PTPA: variants seen among roughly 807,000 people sequenced by gnomAD.
PTPA encodes serine/threonine-protein phosphatase 2A activator.
A neutral mutation model predicts 43.6 loss-of-function variants in PTPA; 13 were observed. The ratio of observed to expected loss-of-function variants is 0.30; its 90% CI spans 0.19 to 0.47. The LOEUF (loss-of-function observed/expected upper bound fraction) is 0.47. Among genes scored for constraint, PTPA ranks in the 20% least tolerant of loss-of-function variants. The pLI is 0.99. For synonymous variants in PTPA, 172 were observed against 158.2 expected, an observed-to-expected ratio of 1.09 and a Z score of -0.66; for missense variants, 329 against 411.9, an observed-to-expected ratio of 0.80 and a Z score of 1.74.
At chr9:129,115,890 G>A (rs1848829499) in intron 1 of PTPA, among the ~76,000 whole-genome samples, 1 of 151,848 alleles carries the variant, frequency 6.6e-6, no homozygotes, top group Non-Finnish European at 1.5e-5. Context: ...TGATCCACCA[G>A]CCTCCGTCTC....
intron 5 of PTPA, among the ~76,000 whole-genome samples, chr9:129,133,175 C>T (rs1397478336): frequency 6.6e-6 from 1 of 152,234 alleles, no homozygotes; most frequent in Non-Finnish European, 1.5e-5. Flanking sequence ...GAGGGCCCGC[C>T]TTCCTTCCCT....
intron 8 of PTPA, chr9:129,140,078 C>T (rs891556208): frequency 6.6e-6 from 1 of 152,556 alleles, no homozygotes; most frequent in Non-Finnish European, 1.5e-5. Context: ...CGCCCATCCC[C>T]CCAGTTACTG....
intron 9 of PTPA, among the ~76,000 whole-genome samples, chr9:129,144,081 C>T (rs536644231): frequency 2.0e-4 from 30 of 151,860 alleles, no homozygotes; most frequent in African/African-American, 5.8e-4. Context: ...AAACTTCTCT[C>T]GACTCAGGCT....
At chr9:129,145,483 C>T (rs920012552) in intron 9 of PTPA, among the ~76,000 whole-genome samples, 2 of 152,196 alleles carry the variant, frequency 1.3e-5, no homozygotes, top group South Asian at 2.1e-4. Flanking sequence ...TTTTCTCAGG[C>T]CAGTTCTTAG....
At position 129,136,504 on chromosome 9, in the gene PTPA, A is replaced by G. The variant is rs779894271; in HGVS notation, c.594A>G (p.Thr198=). 1 of 1,613,882 alleles carries G rather than the reference A, an allele frequency of 6.2e-7. No homozygotes were observed. Among genetic ancestry groups the G allele is most frequent in the Non-Finnish European group, 8.5e-7 (1 of 1,179,842 alleles). ...AGGTTATGCGGAAACTCCAGAAAACATACAGGATGGAGCCAGCCGGCAGCC... is the reference window on the plus strand; with the variant it reads ...AGGTTATGCGGAAACTCCAGAAAACGTACAGGATGGAGCCAGCCGGCAGCC... ...YLEVMRKLQK[T]YRMEPAGSQG... Residue 198 remains threonine, a synonymous_variant, in exon 7 of 10, where the codon ACA becomes ACG. Coordinates refer to ENST00000393370, the MANE Select transcript of PTPA (RefSeq NM_178000.3).
rs565566953 is a variant in PTPA at position 129,123,202 on chromosome 9, G to A, written c.216+64G>A. On this transcript the variant is annotated intron_variant, in intron 3 of 9. Transcript: ENST00000393370. ...AAATAGCTCCAGAGTCACTGGGTGC[G>A]GTGGCTCACCTCTGTAATCTCAGCA... 1.6e-4 allele frequency: 217 copies of A among 1,396,544 alleles called. No homozygotes were observed. The South Asian group carries it at 1.8e-3, about 12-fold the overall frequency. 86.5% of individuals were successfully genotyped at this position (1,396,544 alleles called of 1,614,324 possible). A position where few individuals can be genotyped will look rare whatever the true frequency, so the allele number is the denominator to read the frequency against.
chr9:129,129,263 A>C (rs1158974135), intron 4 of PTPA, among the ~76,000 whole-genome samples, 153 bp downstream of exon 4: 1 of 152,154 alleles, frequency 6.6e-6, no homozygotes, highest in Non-Finnish European at 1.5e-5. Flanking sequence ...ATTACAAATG[A>C]GTTTATACTC....
intron 2 of PTPA, among the ~76,000 whole-genome samples, chr9:129,122,146 A>G (rs1275103163): frequency 6.6e-6 from 1 of 151,780 alleles, no homozygotes; most frequent in Non-Finnish European, 1.5e-5. Flanking sequence ...CCTGGCCCCC[A>G]GGCTGGAGTT....
At chr9:129,136,371 C>T in intron 6 of PTPA, 100 bp from the exon 7 acceptor site, 1 of 1,307,350 alleles carries the variant, frequency 7.6e-7, no homozygotes, top group East Asian at 2.5e-5. Flanking sequence ...TAACACTCTT[C>T]AGTGGTTATT....
At chr9:129,143,499 G>C in intron 9 of PTPA, 1 of 698,916 alleles carries the variant, frequency 1.4e-6, no homozygotes, top group Non-Finnish European at 2.6e-6. Flanking sequence ...AGAGCTTCCT[G>C]GATCCCATCA....
intron 1 of PTPA, among the ~76,000 whole-genome samples, chr9:129,116,904 C>T (rs1323236635): frequency 7.0e-6 from 1 of 143,418 alleles, no homozygotes; most frequent in East Asian, 2.1e-4. Flanking sequence ...TGGGCTCAAG[C>T]GATCCTGCCG....
chr9:129,112,251 C>T (rs1165705725), intron 1 of PTPA, among the ~76,000 whole-genome samples: 2 of 152,190 alleles, frequency 1.3e-5, no homozygotes, highest in African/African-American at 2.4e-5. Flanking sequence ...CTCTTATTTA[C>T]CTTGTAGCCT....
intron 1 of PTPA, chr9:129,118,938 T>G (rs1369767268): frequency 3.3e-5 from 5 of 153,362 alleles, no homozygotes; most frequent in Non-Finnish European, 7.3e-5. Flanking sequence ...CAAAAGATTG[T>G]CCCCTTAGGA....
chr9:129,143,536 G>A (rs556047892), intron 9 of PTPA: 9 of 678,436 alleles, frequency 1.3e-5, no homozygotes, highest in African/African-American at 8.9e-5. Flanking sequence ...GGGGAAGGGT[G>A]CCAGAGGCCA....
chr9:129,144,817 G>GACA (rs1175848455), intron 9 of PTPA, among the ~76,000 whole-genome samples: 2 of 151,348 alleles, frequency 1.3e-5, no homozygotes, highest in African/African-American at 4.9e-5. Flanking sequence ...TGGATCACTT[G>GACA]AGGCCAGGAG....
rs1176334973 is a variant in PTPA, at chr9:129,140,632, C to T, written c.787-1813C>T. Among the ~76,000 whole-genome samples the T allele has an allele frequency of 5.3e-5, 8 of 152,346 alleles. No homozygotes were observed. In the East Asian group the frequency reaches 1.5e-3, roughly 29 times the overall value. On this transcript the variant is annotated intron_variant, in intron 8 of 9. Coordinates refer to ENST00000393370, the MANE Select transcript of PTPA (RefSeq NM_178000.3). ...CTCGGAGCCCTTGCCGGGCAGGCCCCTGGCAGACAAAGCCGACAAAGCCGA... is the reference window on the plus strand; with the variant it reads ...CTCGGAGCCCTTGCCGGGCAGGCCCTTGGCAGACAAAGCCGACAAAGCCGA...
chr9:129,114,167 G>T (rs1270453946), intron 1 of PTPA, among the ~76,000 whole-genome samples: 2 of 151,996 alleles, frequency 1.3e-5, no homozygotes, highest in Non-Finnish European at 2.9e-5. Flanking sequence ...TTGCTGAGGC[G>T]CCCACCACTG....
rs1042847091 is a variant in PTPA at position 129,114,276 on chromosome 9, G to C, written c.31+2645G>C. On this transcript the variant is annotated intron_variant, in intron 1 of 9. Transcript: ENST00000393370. Reference sequence around the variant, plus strand: ...GGCCTCAAGTAATTCACCCGCCTTGGCCACCCAGAGTGCTGGGATTACAGG... The same window carrying C: ...GGCCTCAAGTAATTCACCCGCCTTGCCCACCCAGAGTGCTGGGATTACAGG... Among the ~76,000 whole-genome samples, 7 of 152,312 alleles carry C rather than the reference G, an allele frequency of 4.6e-5. No homozygotes were observed. The East Asian group carries it at 1.4e-3, about 29-fold the overall frequency.
chr9:129,111,361 C>A (rs1848462614), upstream of PTPA: 34 of 1,198,934 alleles, frequency 2.8e-5, no homozygotes, highest in Non-Finnish European at 3.5e-5. Context: ...TCGCCCGGTT[C>A]CGCGCGTCCG....
Sources: gnomAD v4.1 joint callset for allele counts (sites outside exome capture counted in the v4.1 genomes callset) on GRCh38, gnomAD v4.1.1 for gene constraint, MANE v1.5 for transcripts, NCBI Gene and HGNC (gene_info 2026-07-23, HGNC 2026-07-21) for gene names.